Variants in SOBP observed in about 807,000 individuals in gnomAD.
The protein encoded by SOBP is sine oculis-binding protein homolog.
A neutral mutation model predicts 53.6 loss-of-function variants in SOBP; 4 were observed. The ratio of observed to expected loss-of-function variants is 0.07; its 90% CI spans 0.04 to 0.17. The LOEUF (loss-of-function observed/expected upper bound fraction) is 0.17, where lower values mean the gene tolerates loss of function less well. SOBP is among the 10% of genes least tolerant of loss of function. The probability of loss-of-function intolerance (pLI) is 1.00; values close to 1 mark genes in which losing one functional copy is unlikely to be tolerated. For missense variants in SOBP, 1,088 were observed against 1,204.7 expected, an observed-to-expected ratio of 0.90 and a Z score of 1.43; for synonymous variants, 584 against 522.6, an observed-to-expected ratio of 1.12 and a Z score of -1.60.
intron 3 of SOBP, chr6:107,514,169 T>G (rs558859346): frequency 6.6e-6 from 1 of 152,372 alleles, no homozygotes; most frequent in Admixed American, 6.5e-5. Flanking sequence ...ATGTATGTCA[T>G]CATCCTTGAC....
chr6:107,563,698 A>G (rs1784835240), intron 4 of SOBP, among the ~76,000 whole-genome samples: 1 of 152,080 alleles, frequency 6.6e-6, no homozygotes, highest in Non-Finnish European at 1.5e-5. Context: ...AACTTACAAT[A>G]GACAAAATGG....
intron 3 of SOBP, chr6:107,510,614 A>G (rs1783142417): frequency 6.6e-6 from 1 of 152,236 alleles, no homozygotes; most frequent in African/African-American, 2.4e-5. Context: ...TTAATTATCC[A>G]TGGCTAAAGT....
At chr6:107,601,706 C>A (rs1786184970) in intron 5 of SOBP, among the ~76,000 whole-genome samples, 1 of 152,158 alleles carries the variant, frequency 6.6e-6, no homozygotes, top group Non-Finnish European at 1.5e-5. Flanking sequence ...AACCCCCATT[C>A]CGCTAAATTG....
At chr6:107,641,238 A>T (rs1211961847) in intron 6 of SOBP, among the ~76,000 whole-genome samples, 3 of 152,240 alleles carry the variant, frequency 2.0e-5, no homozygotes, top group African/African-American at 7.2e-5. Context: ...GCAGAATCAA[A>T]GTTGGAGCTA....
intron 4 of SOBP, among the ~76,000 whole-genome samples, chr6:107,551,798 A>G (rs1007818518): frequency 6.6e-6 from 1 of 152,172 alleles, no homozygotes; most frequent in Non-Finnish European, 1.5e-5. Flanking sequence ...AAGCAGGTGG[A>G]TCACTTGGGG....
At chr6:107,564,555 C>T (rs150540283) in intron 4 of SOBP, among the ~76,000 whole-genome samples, 1 of 111,700 alleles carries the variant, frequency 9.0e-6, no homozygotes, top group East Asian at 2.1e-4. Flanking sequence ...AGGCTTACTT[C>T]CCTCCTCGTA....
intron 4 of SOBP, among the ~76,000 whole-genome samples, chr6:107,560,601 A>G (rs1784746005): frequency 6.6e-6 from 1 of 152,158 alleles, no homozygotes; most frequent in Admixed American, 6.5e-5. Flanking sequence ...AGTTTTCACT[A>G]TATTAGATAC....
At chr6:107,599,036 G>A (rs1348732128) in intron 5 of SOBP, among the ~76,000 whole-genome samples, 1 of 152,106 alleles carries the variant, frequency 6.6e-6, no homozygotes, top group Non-Finnish European at 1.5e-5. Context: ...AGGAACGAAA[G>A]ATTCTTAAAT....
At chr6:107,493,149 G>A (rs967833548) in intron 1 of SOBP, among the ~76,000 whole-genome samples, 2 of 152,084 alleles carry the variant, frequency 1.3e-5, no homozygotes, top group Admixed American at 1.3e-4. Context: ...AACATAACAA[G>A]TTGGTTGCCC....
In SOBP at chr6:107,532,272, C is replaced by CACACCA. The variant is rs56398781; in HGVS notation, c.422-1187_422-1186insACACCA. Among the ~76,000 whole-genome samples the CACACCA allele has an allele frequency of 7.8e-3, 846 of 108,094 alleles. 13 individuals are homozygous for CACACCA. Among genetic ancestry groups the CACACCA allele is most frequent in the African/African-American group, 0.023 (795 of 34,780 alleles). The allele number at this position is 108,094 out of a possible 152,430, so 70.9% of individuals were successfully genotyped here. On this transcript the variant is annotated intron_variant, in intron 3 of 6. Coordinates refer to ENST00000317357, the MANE Select transcript of SOBP (RefSeq NM_018013.4). ...ACACACACACACACACACACACACACCACACACACACACACACAGTCACTA... is the reference window on the plus strand; with the variant it reads ...ACACACACACACACACACACACACACACACCACACACACACACACACACAGTCACTA...
At chr6:107,529,437 T>A in intron 3 of SOBP, 1 of 985,092 alleles carries the variant, frequency 1.0e-6, no homozygotes, top group Non-Finnish European at 1.2e-6. Flanking sequence ...TTTCATTGAT[T>A]ATCTGGATGT....
At position 107,503,944 on chromosome 6, in the gene SOBP, A is replaced by G. The variant is rs1044590078; in HGVS notation, c.235+149A>G. 6.2e-6 allele frequency: 6 copies of G among 971,742 alleles called. No individual in the cohort carries two copies. In the African/African-American group the frequency reaches 8.1e-5, roughly 13 times the overall value. The allele number at this position is 971,742 out of a possible 1,614,324, so 60.2% of individuals were successfully genotyped here. ...CATACATCCCCAATAGTGCTTTCCC[A>G]TAAGCAGAATTCTGCAGAATATAAA... On this transcript the variant is annotated intron_variant, in intron 2 of 6. Transcript: ENST00000317357.
At chr6:107,525,634 C>G (rs757630992) in intron 3 of SOBP, among the ~76,000 whole-genome samples, 2 of 152,222 alleles carry the variant, frequency 1.3e-5, no homozygotes, top group African/African-American at 4.8e-5. Context: ...AACATTTCTA[C>G]CTTTTGATAA....
intron 5 of SOBP, among the ~76,000 whole-genome samples, chr6:107,596,290 G>A (rs1302865079): frequency 6.6e-6 from 1 of 151,280 alleles, no homozygotes; most frequent in Non-Finnish European, 1.5e-5. Flanking sequence ...TTTTCCTGGT[G>A]GTATTAAAAT....
At chr6:107,495,317 A>G (rs12209295) in intron 1 of SOBP, among the ~76,000 whole-genome samples, 33 of 152,268 alleles carry the variant, frequency 2.2e-4, no homozygotes, top group Admixed American at 3.9e-4. Context: ...AAACCCATAA[A>G]AGACTGTCCT....
chr6:107,660,220 G>A lies in SOBP; in HGVS notation c.*2017G>A, dbSNP rs1180971973. On this transcript the variant is annotated 3_prime_UTR_variant, in exon 7 of 7. Transcript: ENST00000317357. The stretch of plus-strand genomic sequence containing the variant: ...TTTTTGTTTTTTGTTTTATTACAGA[G>A]GTGTTCATTTTTCTCCCCCTGGGAA... The A allele has an allele frequency of 6.6e-6, 1 of 152,094 alleles. No individual in the cohort carries two copies. The highest frequency in any genetic ancestry group is 1.5e-5 in the Non-Finnish European group (1 of 67,950). 9.4% of individuals were successfully genotyped at this position (152,094 alleles called of 1,614,324 possible).
At chr6:107,646,218 T>C (rs936414459) in intron 6 of SOBP, among the ~76,000 whole-genome samples, 8 of 152,346 alleles carry the variant, frequency 5.3e-5, no homozygotes, top group Non-Finnish European at 1.0e-4. Flanking sequence ...CGCTGCCAGA[T>C]CTATGGGTTA....
rs1772253806 is a variant in SOBP at position 107,660,560 on chromosome 6, C to A, written c.*2357C>A. Reference sequence around the variant, plus strand: ...GCAAACATGCTCCACGGGTTCCACTCACATCCACACACCATCTCACCCCAC... The same window carrying A: ...GCAAACATGCTCCACGGGTTCCACTAACATCCACACACCATCTCACCCCAC... On this transcript the variant is annotated 3_prime_UTR_variant, in exon 7 of 7. Transcript: ENST00000317357. 6.6e-6 allele frequency among the ~76,000 whole-genome samples: 1 copy of A among 152,106 alleles called. No homozygotes were observed. The highest frequency in any genetic ancestry group is 6.5e-5 in the Admixed American group (1 of 15,276).
chr6:107,647,325 G>A (rs1307575138), intron 6 of SOBP, among the ~76,000 whole-genome samples: 2 of 152,182 alleles, frequency 1.3e-5, no homozygotes, highest in Non-Finnish European at 2.9e-5. Flanking sequence ...CCAGTAAATG[G>A]CAGTGCTGAG....
Sources: gnomAD v4.1 joint callset for allele counts (sites outside exome capture counted in the v4.1 genomes callset) on GRCh38, gnomAD v4.1.1 for gene constraint, MANE v1.5 for transcripts, NCBI Gene and HGNC (gene_info 2026-07-23, HGNC 2026-07-21) for gene names.